The following SPOCK1 variants were observed in gnomAD, a reference collection of about 807,000 sequenced individuals.
SPOCK1 encodes testican-1.
Under a neutral mutation model 55.3 loss-of-function variants are expected in SPOCK1, and 23 were observed. The ratio of observed to expected loss-of-function variants is 0.42; its 90% CI spans 0.30 to 0.59. The LOEUF (loss-of-function observed/expected upper bound fraction) is 0.59, where lower values mean the gene tolerates loss of function less well. SPOCK1 is among the 20% of genes least tolerant of loss of function. The pLI is 0.22. For synonymous variants in SPOCK1, 226 were observed against 221.0 expected (o/e 1.02, Z -0.20); for missense variants, 499 against 552.5 (o/e 0.90, Z 0.97).
chr5:137,205,322 CGTCA>C (rs1045573591), intron 3 of SPOCK1, among the ~76,000 whole-genome samples: 123 of 152,306 alleles, frequency 8.1e-4, no homozygotes, highest in African/African-American at 2.8e-3. Flanking sequence ...GCCTATTGCA[CGTCA>C]GTGAAAGGAA....
chr5:137,239,142 AG>A (rs1280848537), intron 3 of SPOCK1, among the ~76,000 whole-genome samples: 1 of 152,244 alleles, frequency 6.6e-6, no homozygotes, highest in Non-Finnish European at 1.5e-5. Flanking sequence ...GAGGGGCTAG[AG>A]ATTGACCTAA....
chr5:137,056,179 G>A (rs1183033093), intron 6 of SPOCK1, among the ~76,000 whole-genome samples: 2 of 152,170 alleles, frequency 1.3e-5, no homozygotes, highest in Non-Finnish European at 2.9e-5. Context: ...TGAAGACCCT[G>A]GTGGACAAGA....
intron 2 of SPOCK1, among the ~76,000 whole-genome samples, chr5:137,324,804 G>C (rs1393946493): frequency 6.6e-6 from 1 of 150,826 alleles, no homozygotes; most frequent in East Asian, 1.9e-4. Flanking sequence ...AAAAAAAAAA[G>C]CTATACTTCC....
intron 3 of SPOCK1, among the ~76,000 whole-genome samples, chr5:137,157,955 G>T (rs1754450855): frequency 6.6e-6 from 1 of 152,168 alleles, no homozygotes; most frequent in African/African-American, 2.4e-5. Context: ...CCACTTACTT[G>T]GGAGGCTGAG....
chr5:137,482,080 C>T (rs917579870), intron 2 of SPOCK1, among the ~76,000 whole-genome samples: 1 of 151,914 alleles, frequency 6.6e-6, no homozygotes, highest in African/African-American at 2.4e-5. Flanking sequence ...TGCTGGATGT[C>T]GGGGATAGAA....
intron 3 of SPOCK1, among the ~76,000 whole-genome samples, chr5:137,185,765 T>A (rs1416335172): frequency 6.6e-6 from 1 of 152,018 alleles, no homozygotes; most frequent in Non-Finnish European, 1.5e-5. Flanking sequence ...CAGGCTGGCA[T>A]CTAAGGAGGC....
chr5:137,356,824 T>TAGAG (rs1750818451), intron 2 of SPOCK1, among the ~76,000 whole-genome samples: 1 of 19,754 alleles, frequency 5.1e-5, no homozygotes, highest in African/African-American at 2.3e-4. Context: ...TATATATATA[T>TAGAG]ATATATATAT....
At chr5:137,038,657 T>G (rs1321984006) in intron 6 of SPOCK1, among the ~76,000 whole-genome samples, 2 of 152,216 alleles carry the variant, frequency 1.3e-5, no homozygotes, top group South Asian at 4.1e-4. Context: ...TATAGAAATA[T>G]ATTTTTTGTG....
chr5:137,007,421 C>A (rs1301201553), intron 6 of SPOCK1, among the ~76,000 whole-genome samples: 1 of 151,682 alleles, frequency 6.6e-6, no homozygotes, highest in Non-Finnish European at 1.5e-5. Flanking sequence ...TAATATCCAG[C>A]AACTACAAGA....
At chr5:137,270,041 T>C (rs902975146) in intron 2 of SPOCK1, among the ~76,000 whole-genome samples, 3 of 152,222 alleles carry the variant, frequency 2.0e-5, no homozygotes, top group Admixed American at 1.3e-4. Context: ...CCCTGGGAAG[T>C]AGTGTGTCTG....
intron 3 of SPOCK1, among the ~76,000 whole-genome samples, chr5:137,171,738 A>G (rs1187420649): frequency 2.6e-5 from 4 of 152,180 alleles, no homozygotes; most frequent in Non-Finnish European, 5.9e-5. Context: ...TGACCTGCAG[A>G]ACTCGTTTCC....
chr5:137,490,869 G>A (rs1257560689), intron 2 of SPOCK1, among the ~76,000 whole-genome samples: 1 of 152,122 alleles, frequency 6.6e-6, no homozygotes, highest in East Asian at 1.9e-4. Context: ...CAGCCTTCCA[G>A]ACTGGCAAGA....
chr5:137,393,620 A>C (rs537725803), intron 2 of SPOCK1, among the ~76,000 whole-genome samples: 1 of 152,382 alleles, frequency 6.6e-6, no homozygotes, highest in Admixed American at 6.5e-5. Context: ...ACAGCAGAGC[A>C]ATAACATGGT....
intron 3 of SPOCK1, among the ~76,000 whole-genome samples, chr5:137,225,306 A>C (rs969303855): frequency 2.0e-5 from 3 of 152,140 alleles, no homozygotes; most frequent in African/African-American, 7.2e-5. Context: ...TATAAAATGG[A>C]GACAGTAAAT....
At chr5:137,488,409 T>C (rs1754105361) in intron 2 of SPOCK1, among the ~76,000 whole-genome samples, 1 of 152,188 alleles carries the variant, frequency 6.6e-6, no homozygotes, top group South Asian at 2.1e-4. Flanking sequence ...ACTGCTCATT[T>C]AAAATGCAGG....
intron 2 of SPOCK1, among the ~76,000 whole-genome samples, chr5:137,396,417 T>A (rs1271218853): frequency 6.6e-6 from 1 of 152,248 alleles, no homozygotes; most frequent in African/African-American, 2.4e-5. Context: ...AAATGGATTA[T>A]CCTTTAAAAC....
intron 5 of SPOCK1, among the ~76,000 whole-genome samples, chr5:137,101,583 T>C (rs1399780992): frequency 1.3e-5 from 2 of 152,244 alleles, no homozygotes; most frequent in African/African-American, 4.8e-5. Context: ...GGTAAAATAA[T>C]TAGTTGAATT....
chr5:136,991,298 C>G (rs1401720680), intron 7 of SPOCK1, among the ~76,000 whole-genome samples: 3 of 151,840 alleles, frequency 2.0e-5, no homozygotes, highest in Non-Finnish European at 4.4e-5. Flanking sequence ...CCACCAAGAA[C>G]CCCACCAAGA....
intron 2 of SPOCK1, among the ~76,000 whole-genome samples, chr5:137,468,616 A>G (rs13184563): frequency 6.6e-6 from 1 of 152,180 alleles, no homozygotes; most frequent in Admixed American, 6.5e-5. Context: ...CCCCAAGTAC[A>G]CTGTCAGTAG....
Sources: allele counts gnomAD v4.1 joint callset (sites outside exome capture counted in the v4.1 genomes callset), GRCh38; gene constraint gnomAD v4.1.1; transcripts MANE v1.5; gene names NCBI Gene and HGNC (gene_info 2026-07-23, HGNC 2026-07-21).